ACER3: variants seen among roughly 807,000 people sequenced by gnomAD.
The protein encoded by ACER3 is alkaline ceramidase 3, also known as alkCDase 3.
Under a neutral mutation model 48.9 loss-of-function variants are expected in ACER3, and 16 were observed. The ratio of observed to expected loss-of-function variants is 0.33; its 90% CI spans 0.22 to 0.50. ACER3 has a LOEUF of 0.50. ACER3 is among the 20% of genes least tolerant of loss of function. ACER3 has a pLI of 0.98. For synonymous variants in ACER3, 109 were observed against 107.8 expected (o/e 1.01, Z -0.07); for missense variants, 227 against 326.0 (o/e 0.70, Z 2.34).
intron 4 of ACER3, among the ~76,000 whole-genome samples, chr11:76,983,954 A>AT (rs1390368370): frequency 2.6e-5 from 4 of 151,812 alleles, no homozygotes; most frequent in Non-Finnish European, 5.9e-5. Context: ...GCAACGACTA[A>AT]TTTTTTTGTA....
intron 3 of ACER3, among the ~76,000 whole-genome samples, chr11:76,961,943 C>T (rs1948005034): frequency 1.3e-5 from 2 of 150,568 alleles, no homozygotes; most frequent in East Asian, 3.9e-4. Context: ...GTGGGAAACA[C>T]CTTAATCAAG....
chr11:76,941,113 CAG>C (rs887433263), intron 2 of ACER3, among the ~76,000 whole-genome samples: 1 of 151,724 alleles, frequency 6.6e-6, no homozygotes, highest in African/African-American at 2.4e-5. Flanking sequence ...TACCTGGAAA[CAG>C]AGATTTTATT....
chr11:76,984,503 T>C (rs1948647271), intron 4 of ACER3, among the ~76,000 whole-genome samples: 1 of 152,196 alleles, frequency 6.6e-6, no homozygotes, highest in Non-Finnish European at 1.5e-5. Flanking sequence ...AGCCAGTTAG[T>C]AAACTGAGAG....
In ACER3 at chr11:76,926,515, T is replaced by A. The variant is rs780520263; in HGVS notation, c.104-42T>A. ...GTGAATGTATCTTTATTTAAAGTGT[T>A]ATTGATTAACCTAAATGTCTTCTTA... On this transcript the variant is annotated intron_variant, in intron 1 of 10. Coordinates refer to ENST00000532485, the MANE Select transcript of ACER3 (RefSeq NM_018367.7). 1.2e-5 allele frequency: 15 copies of A among 1,214,836 alleles called. No homozygotes were observed. In the East Asian group the frequency reaches 3.7e-4, roughly 30 times the overall value. 75.3% of individuals were successfully genotyped at this position (1,214,836 alleles called of 1,614,324 possible). A position where few individuals can be genotyped will look rare whatever the true frequency, so the allele number is the denominator to read the frequency against.
At position 76,998,842 on chromosome 11, in the gene ACER3, G is replaced by A. The variant is rs782117371; in HGVS notation, c.497+21G>A. On this transcript the variant is annotated intron_variant, in intron 7 of 10. Transcript: ENST00000532485. ...ACATGGTAAGTAGTTTGGATCATCT[G>A]CACCATGACTGAAGTATATTCAGAC... 5 of 1,560,138 alleles carry A rather than the reference G, an allele frequency of 3.2e-6. No individual in the cohort carries two copies. The East Asian group carries it at 1.2e-4, about 37-fold the overall frequency.
intron 7 of ACER3, among the ~76,000 whole-genome samples, chr11:77,005,226 C>T (rs960075690): frequency 1.3e-5 from 2 of 151,798 alleles, no homozygotes; most frequent in African/African-American, 2.4e-5. Context: ...TTAGTAGAGA[C>T]GGGTTTCACC....
intron 3 of ACER3, among the ~76,000 whole-genome samples, chr11:76,960,967 C>T (rs995772276): frequency 6.6e-6 from 1 of 152,050 alleles, no homozygotes; most frequent in Non-Finnish European, 1.5e-5. Flanking sequence ...GTGAGAGTGA[C>T]TTCTACATGG....
intron 1 of ACER3, among the ~76,000 whole-genome samples, chr11:76,916,463 C>T (rs1331845285): frequency 1.3e-5 from 2 of 152,086 alleles, no homozygotes; most frequent in African/African-American, 4.8e-5. Context: ...ATCAGTTGAT[C>T]AGATTTAGTG....
chr11:76,865,998 T>G (rs570135576), intron 1 of ACER3, among the ~76,000 whole-genome samples: 84 of 148,470 alleles, frequency 5.7e-4, no homozygotes, highest in African/African-American at 1.8e-3. Context: ...TTTGTTTTTT[T>G]TTTTTTTGGT....
intron 7 of ACER3, among the ~76,000 whole-genome samples, chr11:77,004,916 TGAA>T (rs1949101740): frequency 6.6e-6 from 1 of 152,152 alleles, no homozygotes; most frequent in Non-Finnish European, 1.5e-5. Context: ...ATCATTTATA[TGAA>T]TACAATTATT....
At chr11:76,969,789 C>G (rs1269746281) in intron 3 of ACER3, among the ~76,000 whole-genome samples, 28 of 90,970 alleles carry the variant, frequency 3.1e-4, no homozygotes, top group Non-Finnish European at 5.5e-4. Context: ...ACACTGGGGC[C>G]TGTTGTGGGG....
intron 2 of ACER3, among the ~76,000 whole-genome samples, chr11:76,934,753 GGGAGAC>G (rs1239847981): frequency 6.8e-6 from 1 of 146,536 alleles, no homozygotes; most frequent in African/African-American, 2.8e-5. Flanking sequence ...GGAGACCGTG[GGGAGAC>G]GGAGAGGGAG....
intron 1 of ACER3, among the ~76,000 whole-genome samples, chr11:76,890,358 C>G (rs1055401703): frequency 6.6e-6 from 1 of 152,144 alleles, no homozygotes; most frequent in Admixed American, 6.5e-5. Context: ...GCATTTAGCG[C>G]AGAGTCTAAT....
At chr11:76,938,263 C>A (rs532604438) in intron 2 of ACER3, among the ~76,000 whole-genome samples, 1 of 152,120 alleles carries the variant, frequency 6.6e-6, no homozygotes, top group South Asian at 2.1e-4. Flanking sequence ...GATTCGCTCA[C>A]GTTGGCCTGT....
Position 76,987,071 on chromosome 11 carries a change from G to GA in ACER3, c.402+1355dup, listed in dbSNP as rs1165557216. 7.9e-5 allele frequency among the ~76,000 whole-genome samples: 12 copies of GA among 151,446 alleles called. No homozygotes were observed. In the East Asian group the frequency reaches 2.3e-3, roughly 29 times the overall value. ...ACAGAGTGAGACTCCGTCTCAAAAA[G>GA]AAAAAAAAGAAAAGAAAAAGGTAGT... is the stretch of plus-strand genomic sequence containing the variant. On this transcript the variant is annotated intron_variant, in intron 5 of 10. Coordinates refer to ENST00000532485, the MANE Select transcript of ACER3 (RefSeq NM_018367.7).
chr11:76,869,503 T>C (rs1945186626), intron 1 of ACER3, among the ~76,000 whole-genome samples: 1 of 152,232 alleles, frequency 6.6e-6, no homozygotes, highest in Admixed American at 6.5e-5. Flanking sequence ...TAACATAAAA[T>C]TTATCTTCTT....
intron 1 of ACER3, among the ~76,000 whole-genome samples, chr11:76,909,790 A>G (rs1481327499): frequency 6.6e-6 from 1 of 152,208 alleles, no homozygotes; most frequent in Non-Finnish European, 1.5e-5. Flanking sequence ...AAAGGATTAT[A>G]AATCATTCTA....
chr11:76,872,175 C>T (rs572176039), intron 1 of ACER3, among the ~76,000 whole-genome samples: 1 of 152,012 alleles, frequency 6.6e-6, no homozygotes, highest in East Asian at 1.9e-4. Flanking sequence ...CTCCTGGGTT[C>T]AGATTATTCT....
At chr11:76,924,508 A>ATT (rs559030063) in intron 1 of ACER3, among the ~76,000 whole-genome samples, 1 of 147,646 alleles carries the variant, frequency 6.8e-6, no homozygotes, top group Non-Finnish European at 1.5e-5. Flanking sequence ...CTGGCCAGCT[A>ATT]TTTTTTTTTT....
Sources: allele counts gnomAD v4.1 joint callset (sites outside exome capture counted in the v4.1 genomes callset), GRCh38; gene constraint gnomAD v4.1.1; transcripts MANE v1.5; gene names NCBI Gene and HGNC (gene_info 2026-07-23, HGNC 2026-07-21).